MAGI1: variants seen among roughly 807,000 people sequenced by gnomAD.
MAGI1 encodes the protein membrane-associated guanylate kinase, WW and PDZ domain-containing protein 1.
Under a neutral mutation model 139.9 loss-of-function variants are expected in MAGI1, and 58 were observed. The ratio of observed to expected loss-of-function variants is 0.41; its 90% CI spans 0.34 to 0.52. The LOEUF (loss-of-function observed/expected upper bound fraction) is 0.52, where lower values mean the gene tolerates loss of function less well. MAGI1 is among the 20% of genes least tolerant of loss of function. The probability of loss-of-function intolerance (pLI) is 0.12; values close to 1 mark genes in which losing one functional copy is unlikely to be tolerated. For missense variants in MAGI1, 1,874 were observed against 1,901.6 expected (o/e 0.99, Z 0.27); for synonymous variants, 812 against 737.9 (o/e 1.10, Z -1.63).
chr3:65,862,914 T>C (rs17073987), intron 1 of MAGI1, among the ~76,000 whole-genome samples: 6,597 of 152,280 alleles, frequency 0.043, 476 homozygotes, highest in African/African-American at 0.15. Context: ...CCTTTCTCCA[T>C]TCTTAAACAT....
chr3:65,365,844 T>A (rs1941371410), intron 18 of MAGI1, among the ~76,000 whole-genome samples: 1 of 152,210 alleles, frequency 6.6e-6, no homozygotes, highest in Non-Finnish European at 1.5e-5. Context: ...AACTATTATA[T>A]GGGAAAATAT....
chr3:65,871,031 C>T (rs555047564), intron 1 of MAGI1, among the ~76,000 whole-genome samples: 1 of 152,092 alleles, frequency 6.6e-6, no homozygotes, highest in African/African-American at 2.4e-5. Flanking sequence ...CTCTGCCTCC[C>T]GGATTCAATT....
intron 1 of MAGI1, among the ~76,000 whole-genome samples, chr3:65,958,964 C>T (rs927371564): frequency 6.6e-6 from 1 of 151,890 alleles, no homozygotes; most frequent in African/African-American, 2.4e-5. Context: ...TCCAGCTTGG[C>T]CAACTGAGTG....
At chr3:66,026,708 G>C (rs2068282002) in intron 1 of MAGI1, among the ~76,000 whole-genome samples, 1 of 151,980 alleles carries the variant, frequency 6.6e-6, no homozygotes, top group South Asian at 2.1e-4. Flanking sequence ...GACAGTGTTG[G>C]TGAGACTGAT....
chr3:65,962,015 C>A (rs2064452685), intron 1 of MAGI1, among the ~76,000 whole-genome samples: 1 of 151,968 alleles, frequency 6.6e-6, no homozygotes, highest in Admixed American at 6.6e-5. Context: ...TGGGCATAGT[C>A]TTCATGAAGA....
At chr3:65,927,305 A>G (rs2062575152) in intron 1 of MAGI1, among the ~76,000 whole-genome samples, 1 of 152,136 alleles carries the variant, frequency 6.6e-6, no homozygotes, top group Non-Finnish European at 1.5e-5. Context: ...CTGCCTTTTC[A>G]TCTCCTGAAA....
At chr3:65,863,648 T>A (rs1452589752) in intron 1 of MAGI1, among the ~76,000 whole-genome samples, 1 of 152,122 alleles carries the variant, frequency 6.6e-6, no homozygotes, top group East Asian at 1.9e-4. Flanking sequence ...CGTTGGCAAA[T>A]TCAGACAGAT....
intron 2 of MAGI1, among the ~76,000 whole-genome samples, chr3:65,612,087 A>C (rs1462307471): frequency 6.6e-6 from 1 of 152,146 alleles, no homozygotes; most frequent in Non-Finnish European, 1.5e-5. Flanking sequence ...ACAAAATCTC[A>C]ATTCTAGACT....
At chr3:65,647,295 A>G (rs559585595) in intron 1 of MAGI1, among the ~76,000 whole-genome samples, 5 of 152,310 alleles carry the variant, frequency 3.3e-5, no homozygotes, top group Non-Finnish European at 7.4e-5. Flanking sequence ...ACAAACTACC[A>G]CTACTCATCC....
intron 14 of MAGI1, chr3:65,387,096 C>G (rs373138145): frequency 7.8e-5 from 119 of 1,527,360 alleles, no homozygotes; most frequent in Non-Finnish European, 1.0e-4. Context: ...GAACATCAAA[C>G]AAGATGAATG....
chr3:65,597,657 T>TA (rs11392394), intron 2 of MAGI1: 7,179 of 456,262 alleles, frequency 0.016, 433 homozygotes, highest in African/African-American at 0.13. Context: ...CCTCCATGGA[T>TA]ATTCCCACAA....
At chr3:65,436,701 A>G (rs1947880688) in intron 10 of MAGI1, among the ~76,000 whole-genome samples, 1 of 152,142 alleles carries the variant, frequency 6.6e-6, no homozygotes, top group African/African-American at 2.4e-5. Context: ...TCTCTAAGTC[A>G]GTGATTCCTA....
intron 2 of MAGI1, chr3:65,619,991 A>T (rs2107039731): frequency 1.0e-6 from 1 of 985,422 alleles, no homozygotes; most frequent in South Asian, 4.7e-5. Flanking sequence ...TAAAAGACAG[A>T]GTTCGTTTTT....
chr3:65,372,396 C>A (rs1167947557), intron 18 of MAGI1, among the ~76,000 whole-genome samples: 1 of 152,196 alleles, frequency 6.6e-6, no homozygotes, highest in Non-Finnish European at 1.5e-5. Context: ...CACAGCACAA[C>A]ATATGTGCTG....
chr3:65,605,962 G>A (rs1237020434), intron 2 of MAGI1, among the ~76,000 whole-genome samples: 1 of 152,114 alleles, frequency 6.6e-6, no homozygotes, highest in African/African-American at 2.4e-5. Context: ...CTCCTCCTTT[G>A]CATCCATTCA....
intron 6 of MAGI1, among the ~76,000 whole-genome samples, chr3:65,451,061 T>C (rs1949005282): frequency 6.6e-6 from 1 of 152,188 alleles, no homozygotes; most frequent in African/African-American, 2.4e-5. Flanking sequence ...GAGATAATTA[T>C]AAACTAACTG....
At chr3:65,826,548 A>G (rs2042240819) in intron 1 of MAGI1, among the ~76,000 whole-genome samples, 1 of 152,222 alleles carries the variant, frequency 6.6e-6, no homozygotes, top group Admixed American at 6.5e-5. Flanking sequence ...ATTGAGAAGA[A>G]TATTTTTCTT....
chr3:65,537,056 CG>C (rs1002864622), intron 2 of MAGI1, among the ~76,000 whole-genome samples: 1 of 152,112 alleles, frequency 6.6e-6, no homozygotes, highest in African/African-American at 2.4e-5. Flanking sequence ...AGAAGTGTTA[CG>C]GGGGATTGCA....
chr3:65,798,202 G>A (rs1220089198), intron 1 of MAGI1, among the ~76,000 whole-genome samples: 2 of 151,912 alleles, frequency 1.3e-5, no homozygotes, highest in African/African-American at 4.8e-5. Context: ...TACTTGGGAG[G>A]CTTAGAAAAG....
Sources: allele counts gnomAD v4.1 joint callset (sites outside exome capture counted in the v4.1 genomes callset), GRCh38; gene constraint gnomAD v4.1.1; transcripts MANE v1.5; gene names NCBI Gene and HGNC (gene_info 2026-07-23, HGNC 2026-07-21).